Variants in KANSL1L observed in about 807,000 individuals in gnomAD.
The protein encoded by KANSL1L is KAT8 regulatory NSL complex subunit 1 like, also known as KAT8 regulatory NSL complex subunit 1-like protein.
Under a neutral mutation model 108.6 loss-of-function variants are expected in KANSL1L, and 25 were observed. The observed-to-expected ratio is 0.23, with a 90% confidence interval of 0.17 to 0.32. The LOEUF (loss-of-function observed/expected upper bound fraction) is 0.32. Ranked by LOEUF, KANSL1L falls within the 10% of genes least tolerant of loss-of-function variation. The pLI, the probability that KANSL1L is intolerant of heterozygous loss-of-function variation, is 1.00. For synonymous variants in KANSL1L, 405 were observed against 395.1 expected (o/e 1.03, Z -0.30); for missense variants, 1,137 against 1,125.7 (o/e 1.01, Z -0.14).
chr2:210,024,768 A>G (rs868012515), intron 13 of KANSL1L, among the ~76,000 whole-genome samples: 2 of 152,132 alleles, frequency 1.3e-5, no homozygotes, highest in Admixed American at 6.6e-5. Context: ...TGGATTACCT[A>G]AACTCCAGTC....
chr2:210,101,185 T>A (rs914482045), intron 4 of KANSL1L, among the ~76,000 whole-genome samples: 1 of 152,182 alleles, frequency 6.6e-6, no homozygotes, highest in Admixed American at 6.5e-5. Flanking sequence ...CCTAAAATGA[T>A]ACCCAGGACC....
At chr2:210,128,352 C>T (rs996946661) in intron 3 of KANSL1L, among the ~76,000 whole-genome samples, 2 of 152,148 alleles carry the variant, frequency 1.3e-5, no homozygotes, top group Non-Finnish European at 2.9e-5. Context: ...AAACTGGAAG[C>T]AACCCAAGTG....
chr2:210,172,012 A>C (rs1688368148), upstream of KANSL1L, among the ~76,000 whole-genome samples: 1 of 149,896 alleles, frequency 6.7e-6, no homozygotes, highest in Non-Finnish European at 1.5e-5. Flanking sequence ...AAAAAAACAG[A>C]CAAAGCAGTT....
In KANSL1L at chr2:210,043,939, C is replaced by G. The variant is rs1180184959; in HGVS notation, c.1921G>C (p.Asp641His). 3.2e-6 allele frequency: 5 copies of G among 1,575,418 alleles called. No homozygotes were observed. The highest frequency in any genetic ancestry group is 4.3e-6 in the Non-Finnish European group (5 of 1,160,474). ...SFHSVLSLPS[D>H]VPLHFHFETL... is the part of the protein sequence containing the mutation. ...TAGAAATTGTTACAAGGAGGCTTAC[C>G]TGATGGCAATGATAGAACAGAATGG... Residue 641 changes from aspartate (D) to histidine (H), a missense_variant and splice_region_variant, in exon 7 of 15, where the codon GAT becomes CAT. Transcript: ENST00000281772.
chr2:210,096,235 A>G (rs2094734983), intron 5 of KANSL1L, among the ~76,000 whole-genome samples: 1 of 152,190 alleles, frequency 6.6e-6, no homozygotes, highest in Non-Finnish European at 1.5e-5. Flanking sequence ...TTGGATCTAC[A>G]TATCTTTATG....
chr2:210,102,103 A>T (rs1336122639), intron 4 of KANSL1L, among the ~76,000 whole-genome samples: 1 of 152,068 alleles, frequency 6.6e-6, no homozygotes, highest in Non-Finnish European at 1.5e-5. Flanking sequence ...ATGGTTGTAG[A>T]TGTGTGGTAT....
intron 3 of KANSL1L, among the ~76,000 whole-genome samples, chr2:210,105,418 G>A (rs1012127017): frequency 7.5e-5 from 11 of 146,704 alleles, no homozygotes; most frequent in Non-Finnish European, 1.3e-4. Context: ...ATTCCTATAG[G>A]CTAGTTGGAA....
At chr2:210,076,091 TTC>T (rs1559536635) in intron 5 of KANSL1L, among the ~76,000 whole-genome samples, 2 of 152,212 alleles carry the variant, frequency 1.3e-5, no homozygotes, top group Non-Finnish European at 2.9e-5. Flanking sequence ...TTACACAAAA[TTC>T]TTTTTGTGTA....
chr2:210,146,683 C>T (rs544621864), intron 2 of KANSL1L, among the ~76,000 whole-genome samples: 2 of 152,300 alleles, frequency 1.3e-5, no homozygotes, highest in Admixed American at 1.3e-4. Context: ...CCACCTGATT[C>T]TGTGAGAATC....
At chr2:210,159,655 T>C (rs2095351210) in intron 1 of KANSL1L, among the ~76,000 whole-genome samples, 1 of 152,250 alleles carries the variant, frequency 6.6e-6, no homozygotes, top group African/African-American at 2.4e-5. Context: ...TAACAACACC[T>C]ATTTCAATTA....
chr2:210,045,727 G>T (rs1362481604), intron 6 of KANSL1L, among the ~76,000 whole-genome samples: 1 of 152,038 alleles, frequency 6.6e-6, no homozygotes, highest in Non-Finnish European at 1.5e-5. Context: ...AGAATTCTGG[G>T]TTGGCTATTT....
At chr2:210,048,548 AAT>A (rs1292078037) in intron 6 of KANSL1L, among the ~76,000 whole-genome samples, 1 of 152,080 alleles carries the variant, frequency 6.6e-6, no homozygotes, top group Non-Finnish European at 1.5e-5. Flanking sequence ...ATTTTGTAGG[AAT>A]ATGTGTGTGT....
chr2:210,075,976 C>T (rs2094539330), intron 5 of KANSL1L, among the ~76,000 whole-genome samples: 1 of 151,998 alleles, frequency 6.6e-6, no homozygotes, highest in African/African-American at 2.4e-5. Flanking sequence ...TTTTCTCCTG[C>T]AAAACAAATA....
At chr2:210,097,342 A>C in intron 5 of KANSL1L, 1 of 782,700 alleles carries the variant, frequency 1.3e-6, no homozygotes, top group South Asian at 5.9e-5. Flanking sequence ...AATTTTTAAC[A>C]CAAATATTTC....
chr2:210,075,555 T>C lies in KANSL1L; in HGVS notation c.1752A>G (p.Pro584=). Residue 584 remains proline, a synonymous_variant, in exon 6 of 15, where the codon CCA becomes CCG. Coordinates refer to ENST00000281772, the MANE Select transcript of KANSL1L (RefSeq NM_152519.4). ...YRLSPTFYWT[P]QTLPSKETAF... is the part of the protein sequence containing the mutation. ...TTCTTCCCAAAGGCAGCCTTACCTG[T>C]GGAGTCCAATAAAAAGTAGGGCTCA... is the stretch of plus-strand genomic sequence containing the variant. The C allele has an allele frequency of 1.2e-6, 2 of 1,610,626 alleles. No individual in the cohort carries two copies. Among genetic ancestry groups the C allele is most frequent in the Middle Eastern group, 1.7e-4 (1 of 6,050 alleles).
chr2:210,042,626 C>CT (rs1400873092), intron 7 of KANSL1L, among the ~76,000 whole-genome samples: 2 of 152,050 alleles, frequency 1.3e-5, no homozygotes, highest in Non-Finnish European at 2.9e-5. Flanking sequence ...ACAAAGATAT[C>CT]TATTCTCATG....
At chr2:210,089,121 T>G (rs2094667815) in intron 5 of KANSL1L, 1 of 152,330 alleles carries the variant, frequency 6.6e-6, no homozygotes, top group Non-Finnish European at 1.5e-5. Context: ...AAAATTAAGT[T>G]CAATACCACC....
intron 3 of KANSL1L, among the ~76,000 whole-genome samples, chr2:210,111,601 C>T (rs1004261487): frequency 6.6e-6 from 1 of 152,038 alleles, no homozygotes; most frequent in African/African-American, 2.4e-5. Flanking sequence ...ATTCAGTGAA[C>T]TGTATAGTTA....
chr2:210,135,242 T>C (rs917785762), intron 2 of KANSL1L, among the ~76,000 whole-genome samples: 1 of 152,068 alleles, frequency 6.6e-6, no homozygotes, highest in Non-Finnish European at 1.5e-5. Flanking sequence ...AGAAACCCGA[T>C]ATAGAGGACT....
Sources: allele counts gnomAD v4.1 joint callset (sites outside exome capture counted in the v4.1 genomes callset), GRCh38; gene constraint gnomAD v4.1.1; transcripts MANE v1.5; gene names NCBI Gene and HGNC (gene_info 2026-07-23, HGNC 2026-07-21).